RBFOX1: variants seen among roughly 807,000 people sequenced by gnomAD.
RBFOX1 encodes the protein RNA binding protein fox-1 homolog 1.
Under a neutral mutation model 57.7 loss-of-function variants are expected in RBFOX1, and 8 were observed. That is an observed-to-expected ratio of 0.14 (90% confidence interval 0.08 to 0.25). The LOEUF is 0.25. RBFOX1 is among the 10% of genes least tolerant of loss of function. RBFOX1 has a pLI of 1.00. For missense variants in RBFOX1, 611 were observed against 548.5 expected, an observed-to-expected ratio of 1.11 and a Z score of -1.14; for synonymous variants, 326 against 222.4, an observed-to-expected ratio of 1.47 and a Z score of -4.15.
intron 3 of RBFOX1, among the ~76,000 whole-genome samples, chr16:5,768,864 T>A (rs981763477): frequency 1.3e-5 from 2 of 152,158 alleles, no homozygotes; most frequent in African/African-American, 4.8e-5. Context: ...GGACCATCAC[T>A]GTTTTTTGTT....
intron 7 of RBFOX1, among the ~76,000 whole-genome samples, chr16:7,589,362 C>G (rs2094313059): frequency 6.6e-6 from 1 of 152,108 alleles, no homozygotes; most frequent in Non-Finnish European, 1.5e-5. Context: ...TATCATTTGC[C>G]ATTTTGAAAG....
chr16:5,661,932 C>T (rs901699966), intron 3 of RBFOX1, among the ~76,000 whole-genome samples: 8 of 152,028 alleles, frequency 5.3e-5, no homozygotes, highest in South Asian at 2.1e-4. Flanking sequence ...ACTACAGGCA[C>T]GTGCCACCAA....
chr16:6,816,264 A>G (rs2090042948), intron 3 of RBFOX1, among the ~76,000 whole-genome samples: 2 of 152,182 alleles, frequency 1.3e-5, no homozygotes, highest in Admixed American at 6.5e-5. Context: ...AGCTATGATC[A>G]CACTATTGCA....
intron 3 of RBFOX1, among the ~76,000 whole-genome samples, chr16:5,673,707 T>G (rs1312604162): frequency 1.3e-5 from 2 of 152,228 alleles, no homozygotes; most frequent in African/African-American, 4.8e-5. Flanking sequence ...CTACTTATTG[T>G]GGCATCCCTC....
At chr16:6,633,539 C>A (rs888694849) in intron 2 of RBFOX1, among the ~76,000 whole-genome samples, 1 of 152,156 alleles carries the variant, frequency 6.6e-6, no homozygotes, top group African/African-American at 2.4e-5. Context: ...AGTGATCCCC[C>A]CACCTGGGCC....
intron 2 of RBFOX1, among the ~76,000 whole-genome samples, chr16:6,382,775 C>G (rs1340324438): frequency 1.3e-5 from 2 of 151,976 alleles, no homozygotes; most frequent in South Asian, 2.1e-4. Context: ...CAGGAGAATT[C>G]CTTGAACTCA....
intron 1 of RBFOX1, among the ~76,000 whole-genome samples, chr16:5,322,750 C>A (rs1377049229): frequency 1.3e-5 from 2 of 152,152 alleles, no homozygotes; most frequent in Non-Finnish European, 2.9e-5. Flanking sequence ...TTCTCTGACC[C>A]ACAGTTTACA....
chr16:6,765,345 A>G (rs1300290004), intron 3 of RBFOX1, among the ~76,000 whole-genome samples: 1 of 152,214 alleles, frequency 6.6e-6, no homozygotes, highest in Non-Finnish European at 1.5e-5. Flanking sequence ...TGGAAATAAT[A>G]GCAAATACGG....
chr16:6,994,908 A>G (rs1483469564), intron 3 of RBFOX1, among the ~76,000 whole-genome samples: 1 of 151,984 alleles, frequency 6.6e-6, no homozygotes, highest in African/African-American at 2.4e-5. Flanking sequence ...CTCTATCAGA[A>G]CATATCCCTG....
intron 3 of RBFOX1, among the ~76,000 whole-genome samples, chr16:5,630,395 T>A (rs964240858): frequency 2.6e-5 from 4 of 152,002 alleles, no homozygotes; most frequent in African/African-American, 2.4e-5. Context: ...AGGTGGAGTT[T>A]GCAGTGAGCC....
intron 4 of RBFOX1, among the ~76,000 whole-genome samples, chr16:7,151,363 A>G (rs1185934033): frequency 6.6e-6 from 1 of 152,154 alleles, no homozygotes; most frequent in Non-Finnish European, 1.5e-5. Context: ...TGGCTCATGA[A>G]ATTAGGACTG....
At chr16:5,823,069 C>G (rs947740596) in intron 3 of RBFOX1, among the ~76,000 whole-genome samples, 1 of 152,182 alleles carries the variant, frequency 6.6e-6, no homozygotes, top group Non-Finnish European at 1.5e-5. Context: ...GGAGCCACTG[C>G]TGTACCCCAT....
chr16:5,883,713 T>C (rs983036185), intron 4 of RBFOX1, among the ~76,000 whole-genome samples: 4 of 152,202 alleles, frequency 2.6e-5, no homozygotes, highest in Admixed American at 2.0e-4. Flanking sequence ...ACAAGCCTTA[T>C]AGGCAGCTAA....
chr16:7,313,318 A>G (rs1426920551), intron 4 of RBFOX1, among the ~76,000 whole-genome samples: 4 of 152,202 alleles, frequency 2.6e-5, no homozygotes, highest in Admixed American at 2.6e-4. Flanking sequence ...AGCAGTTAAC[A>G]CAGGAAGGGG....
At chr16:6,271,412 G>A (rs531331741) in intron 1 of RBFOX1, among the ~76,000 whole-genome samples, 2 of 152,092 alleles carry the variant, frequency 1.3e-5, no homozygotes, top group East Asian at 3.9e-4. Context: ...GACAGAGCAA[G>A]ACCCTGTCTA....
intron 3 of RBFOX1, among the ~76,000 whole-genome samples, chr16:6,900,902 C>T (rs1234939025): frequency 6.6e-6 from 1 of 152,178 alleles, no homozygotes; most frequent in Non-Finnish European, 1.5e-5. Context: ...ACTGCTAGAT[C>T]CCCAGCATTT....
At chr16:6,271,652 T>A (rs2075233420) in intron 1 of RBFOX1, among the ~76,000 whole-genome samples, 1 of 152,136 alleles carries the variant, frequency 6.6e-6, no homozygotes, top group Non-Finnish European at 1.5e-5. Context: ...AAAAAGGTAG[T>A]AAGGGAATAC....
chr16:6,149,120 A>G (rs367865974), intron 1 of RBFOX1, among the ~76,000 whole-genome samples: 1 of 152,374 alleles, frequency 6.6e-6, no homozygotes, highest in East Asian at 1.9e-4. Context: ...TCTAAAGGGC[A>G]TGAAGTCATT....
chr16:5,542,959 A>G (rs2045024341), intron 2 of RBFOX1, among the ~76,000 whole-genome samples: 1 of 152,180 alleles, frequency 6.6e-6, no homozygotes, highest in African/African-American at 2.4e-5. Flanking sequence ...AATAGTGCCA[A>G]CTTCCACCAG....
Sources: gnomAD v4.1 joint callset for allele counts (sites outside exome capture counted in the v4.1 genomes callset) on GRCh38, gnomAD v4.1.1 for gene constraint, MANE v1.5 for transcripts, NCBI Gene and HGNC (gene_info 2026-07-23, HGNC 2026-07-21) for gene names.